The following MYO3B variants were observed in gnomAD, a reference collection of about 807,000 sequenced individuals.
The protein encoded by MYO3B is myosin IIIB.
A neutral mutation model predicts 174.6 loss-of-function variants in MYO3B; 156 were observed. The ratio of observed to expected loss-of-function variants is 0.89; its 90% confidence interval spans 0.78 to 1.02. The LOEUF (loss-of-function observed/expected upper bound fraction) is 1.02. MYO3B is among the 50% of genes least tolerant of loss of function. The pLI, the probability that MYO3B is intolerant of heterozygous loss-of-function variation, is 0.00. For missense variants in MYO3B, 1,632 were observed against 1,639.4 expected (o/e 1.00, Z 0.08); for synonymous variants, 563 against 569.1 (o/e 0.99, Z 0.15).
chr2:170,405,749 C>A, intron 21 of MYO3B, 116 bp downstream of exon 21: 1 of 795,142 alleles, frequency 1.3e-6, no homozygotes, highest in Non-Finnish European at 2.0e-6. Context: ...TTTAATTCTT[C>A]CTGAATACCT....
rs529140812 is a variant in MYO3B, at chr2:170,208,830, T to C, written c.322-5549T>C. Among the ~76,000 whole-genome samples the C allele has an allele frequency of 2.0e-5, 3 of 152,310 alleles. No individual in the cohort carries two copies. In the South Asian group the frequency reaches 6.2e-4, roughly 32 times the overall value. On this transcript the variant is annotated intron_variant, in intron 3 of 34. Transcript: ENST00000408978. Reference sequence around the variant, plus strand: ...AAAGTGCAGCAAGAATAATTGTTTCTACATAGGCCTTTTAGATTGGCTTTG... The same window carrying C: ...AAAGTGCAGCAAGAATAATTGTTTCCACATAGGCCTTTTAGATTGGCTTTG...
intron 32 of MYO3B, among the ~76,000 whole-genome samples, chr2:170,619,455 A>G (rs1440100831): frequency 6.6e-6 from 1 of 152,182 alleles, no homozygotes; most frequent in African/African-American, 2.4e-5. Flanking sequence ...CCTGCAGCTT[A>G]GCTGGGTGCT....
At chr2:170,284,441 T>C (rs1035776393) in intron 7 of MYO3B, among the ~76,000 whole-genome samples, 3 of 152,082 alleles carry the variant, frequency 2.0e-5, no homozygotes, top group African/African-American at 4.8e-5. Flanking sequence ...GAGGTGTGTG[T>C]ACATCCAGCA....
intron 32 of MYO3B, among the ~76,000 whole-genome samples, chr2:170,648,634 A>G (rs1367857457): frequency 2.3e-5 from 2 of 88,546 alleles, no homozygotes; most frequent in African/African-American, 1.6e-4. Flanking sequence ...AAAAATATGT[A>G]TATATATTAT....
chr2:170,319,721 T>C (rs1379173802), intron 7 of MYO3B, among the ~76,000 whole-genome samples: 1 of 152,180 alleles, frequency 6.6e-6, no homozygotes, highest in East Asian at 1.9e-4. Context: ...GATTGAGACC[T>C]TTACACATCC....
chr2:170,476,258 A>C (rs1046111629), intron 25 of MYO3B, among the ~76,000 whole-genome samples: 114 of 152,318 alleles, frequency 7.5e-4, no homozygotes, highest in African/African-American at 2.5e-3. Flanking sequence ...CCCAAAGCCC[A>C]AGTGGGCATG....
chr2:170,433,264 C>CA (rs952651229), intron 22 of MYO3B, among the ~76,000 whole-genome samples: 23 of 150,490 alleles, frequency 1.5e-4, no homozygotes, highest in Admixed American at 9.2e-4. Flanking sequence ...CAAAACAAAA[C>CA]AAAAAAAAGA....
At chr2:170,552,954 G>C (rs190657484) in intron 32 of MYO3B, among the ~76,000 whole-genome samples, 1 of 152,166 alleles carries the variant, frequency 6.6e-6, no homozygotes, top group African/African-American at 2.4e-5. Context: ...ATTGCTTCAA[G>C]CCCCAAGCCT....
intron 22 of MYO3B, among the ~76,000 whole-genome samples, chr2:170,414,006 C>T (rs905238944): frequency 6.6e-6 from 1 of 152,004 alleles, no homozygotes; most frequent in Non-Finnish European, 1.5e-5. Context: ...CGCCACTACA[C>T]TCAAGCCTGG....
chr2:170,456,814 C>T (rs1233128077), intron 23 of MYO3B, among the ~76,000 whole-genome samples: 4 of 152,224 alleles, frequency 2.6e-5, no homozygotes, highest in Non-Finnish European at 5.9e-5. Flanking sequence ...AAGTTAAATA[C>T]AGTCATCAGT....
intron 32 of MYO3B, among the ~76,000 whole-genome samples, chr2:170,641,858 T>TGGGGGGG (rs71008706): frequency 2.2e-3 from 62 of 28,774 alleles, no homozygotes; most frequent in African/African-American, 2.6e-3. Context: ...TATTGTTAAG[T>TGGGGGGG]GGGGGGGGGG....
At chr2:170,196,072 G>A (rs778956372) in intron 1 of MYO3B, among the ~76,000 whole-genome samples, 2 of 152,168 alleles carry the variant, frequency 1.3e-5, no homozygotes, top group African/African-American at 2.4e-5. Flanking sequence ...ATGGATATGA[G>A]CTTTACTCTT....
intron 32 of MYO3B, among the ~76,000 whole-genome samples, chr2:170,636,021 G>GT (rs1697438491): frequency 6.6e-6 from 1 of 152,054 alleles, no homozygotes; most frequent in Non-Finnish European, 1.5e-5. Flanking sequence ...AAAGCTGTCT[G>GT]TTTTTTTCTT....
intron 7 of MYO3B, among the ~76,000 whole-genome samples, chr2:170,265,649 G>C (rs991227739): frequency 6.6e-5 from 10 of 152,204 alleles, no homozygotes; most frequent in African/African-American, 2.4e-4. Context: ...AGGACTGTTA[G>C]TCCCTGGTTG....
At chr2:170,195,657 A>C (rs2092591099) in intron 1 of MYO3B, among the ~76,000 whole-genome samples, 1 of 152,174 alleles carries the variant, frequency 6.6e-6, no homozygotes, top group African/African-American at 2.4e-5. Flanking sequence ...AATGCACTGT[A>C]ACACATGCCC....
intron 3 of MYO3B, among the ~76,000 whole-genome samples, chr2:170,205,001 A>G (rs982225324): frequency 6.6e-5 from 10 of 152,150 alleles, no homozygotes; most frequent in Non-Finnish European, 1.2e-4. Flanking sequence ...CTGCCCTTGA[A>G]AACCTTGCTG....
At chr2:170,320,252 GC>G (rs1355709180) in intron 7 of MYO3B, among the ~76,000 whole-genome samples, 1 of 151,968 alleles carries the variant, frequency 6.6e-6, no homozygotes, top group Non-Finnish European at 1.5e-5. Flanking sequence ...TCACTGTGTT[GC>G]CCAAGCTGAT....
chr2:170,190,201 G>GTC lies in MYO3B; in HGVS notation c.3-9003_3-9002dup, dbSNP rs536859661. ...CCTTACTTTCTCCCAAACAAACAGA[G>GTC]TCTCTGTCTCTCTCTTTCCTGAGCT... is the stretch of plus-strand genomic sequence containing the variant. On this transcript the variant is annotated intron_variant, in intron 1 of 34. Transcript: ENST00000408978. 1.6e-3 allele frequency among the ~76,000 whole-genome samples: 242 copies of GTC among 152,200 alleles called. 2 individuals carry two copies. The highest frequency in any genetic ancestry group is 5.4e-3 in the African/African-American group (223 of 41,558).
At chr2:170,380,330 A>G (rs2094326149) in intron 9 of MYO3B, among the ~76,000 whole-genome samples, 1 of 152,122 alleles carries the variant, frequency 6.6e-6, no homozygotes, top group Admixed American at 6.5e-5. Flanking sequence ...ATGTAAGAAT[A>G]ATAATTAGTA....
Sources: allele counts gnomAD v4.1 joint callset (sites outside exome capture counted in the v4.1 genomes callset), GRCh38; gene constraint gnomAD v4.1.1; transcripts MANE v1.5; gene names NCBI Gene and HGNC (gene_info 2026-07-23, HGNC 2026-07-21).